Variants in ZNF786 observed in about 807,000 individuals in gnomAD.
ZNF786 encodes the protein zinc finger protein 786.
Under a neutral mutation model 63.1 loss-of-function variants are expected in ZNF786, and 56 were observed. The observed-to-expected ratio is 0.89, with a 90% confidence interval of 0.72 to 1.11. The LOEUF is 1.11. ZNF786 is among the 50% of genes least tolerant of loss of function. The pLI, the probability that ZNF786 is intolerant of heterozygous loss-of-function variation, is 0.00. For missense variants in ZNF786, 1,213 were observed against 1,041.8 expected (o/e 1.16, Z -2.26); for synonymous variants, 485 against 406.9 (o/e 1.19, Z -2.31).
intron 3 of ZNF786, among the ~76,000 whole-genome samples, chr7:149,073,753 A>ATATATATATATATATATG (rs1563137498): frequency 1.2e-4 from 8 of 66,418 alleles, no homozygotes; most frequent in African/African-American, 3.8e-4. Context: ...GTGTGTATAT[A>ATATATATATATATATATG]TATATATATA....
chr7:149,080,851 C>G (rs1825639554), intron 1 of ZNF786, 134 bp from the exon 2 acceptor site: 3 of 988,504 alleles, frequency 3.0e-6, no homozygotes, highest in Non-Finnish European at 4.4e-6. Context: ...TCCTGGAGAA[C>G]TACTCCTTCC....
chr7:149,075,289 C>G (rs1446061675), intron 2 of ZNF786, among the ~76,000 whole-genome samples: 1 of 152,176 alleles, frequency 6.6e-6, no homozygotes, highest in Non-Finnish European at 1.5e-5. Flanking sequence ...GTCTCTCAGG[C>G]TGGAATGCAG....
chr7:149,072,773 C>T (rs1270963588), intron 3 of ZNF786, among the ~76,000 whole-genome samples: 3 of 152,226 alleles, frequency 2.0e-5, no homozygotes, highest in Admixed American at 2.0e-4. Flanking sequence ...CACTGTGTAA[C>T]CTTTGTCAAG....
chr7:149,084,624 G>A (rs1026801409), intron 1 of ZNF786, among the ~76,000 whole-genome samples: 1 of 152,152 alleles, frequency 6.6e-6, no homozygotes, highest in African/African-American at 2.4e-5. Context: ...GTCTGTTCAT[G>A]TCCTTTGCCC....
chr7:149,079,247 A>G (rs952127122), intron 2 of ZNF786, among the ~76,000 whole-genome samples: 10 of 151,934 alleles, frequency 6.6e-5, no homozygotes, highest in African/African-American at 1.7e-4. Context: ...TCTCTACTAA[A>G]AATACAAAAA....
intron 3 of ZNF786, among the ~76,000 whole-genome samples, chr7:149,073,781 GTATATATATATAGT>G (rs1825490875): frequency 1.2e-5 from 1 of 80,524 alleles, no homozygotes; most frequent in African/African-American, 4.5e-5. Flanking sequence ...ATATATATAT[GTATATATATATAGT>G]TTTTTTTTTG....
At chr7:149,085,300 A>G (rs1825717345) in intron 1 of ZNF786, among the ~76,000 whole-genome samples, 1 of 152,136 alleles carries the variant, frequency 6.6e-6, no homozygotes. Flanking sequence ...ATGAATTTTA[A>G]AATAGTTTTT....
intron 2 of ZNF786, among the ~76,000 whole-genome samples, chr7:149,075,514 C>T (rs933136152): frequency 3.3e-5 from 5 of 151,894 alleles, no homozygotes; most frequent in East Asian, 1.9e-4. Flanking sequence ...CAAAGTGCTG[C>T]GATTACAGGC....
At chr7:149,075,655 GTTTTTT>G (rs1165713050) in intron 2 of ZNF786, among the ~76,000 whole-genome samples, 26 of 69,466 alleles carry the variant, frequency 3.7e-4, no homozygotes, top group Non-Finnish European at 4.6e-4. Context: ...CACACTTCAG[GTTTTTT>G]TTTTTTTTTT....
chr7:149,076,719 GAAA>G (rs71192749), intron 2 of ZNF786, among the ~76,000 whole-genome samples: 43 of 127,694 alleles, frequency 3.4e-4, no homozygotes, highest in Admixed American at 6.1e-4. Context: ...ACTCCATCTT[GAAA>G]AAAAAAAAAA....
At chr7:149,080,443 AG>A in intron 2 of ZNF786, 147 bp downstream of exon 2, 1 of 711,960 alleles carries the variant, frequency 1.4e-6, no homozygotes, top group East Asian at 3.1e-5. Context: ...TGTTGACAAA[AG>A]TATTAACAAT....
chr7:149,088,330 A>C (rs2129516955), intron 1 of ZNF786, among the ~76,000 whole-genome samples: 1 of 152,250 alleles, frequency 6.6e-6, no homozygotes, highest in East Asian at 1.9e-4. Flanking sequence ...GGCAGTTTTT[A>C]AGGCAATTGA....
At chr7:149,074,236 A>T (rs1170128129) in intron 3 of ZNF786, 150 bp downstream of exon 3, 1 of 921,986 alleles carries the variant, frequency 1.1e-6, no homozygotes, top group East Asian at 2.7e-5. Context: ...TCTAGAACCC[A>T]CATTCCTAAC....
Position 149,071,758 on chromosome 7 carries a change from C to G in ZNF786, c.1014G>C (p.Ser338=), listed in dbSNP as rs763473808. 1.3e-6 allele frequency: 2 copies of G among 1,588,084 alleles called. No individual in the cohort carries two copies. The highest frequency in any genetic ancestry group is 2.7e-5 in the African/African-American group (2 of 74,726). Residue 338 remains serine (S), a synonymous_variant, in exon 4 of 4, where the codon TCG becomes TCC. Transcript: ENST00000491431. ...GCAGGCGCGAGCCTGGTTTCTGTCCCGAGTGCACACTGCTGGAGGCCCCGC... is the reference window on the plus strand; with the variant it reads ...GCAGGCGCGAGCCTGGTTTCTGTCCGGAGTGCACACTGCTGGAGGCCCCGC... The part of the protein sequence containing the change: ...EGRGASSSVH[S]GQKPGSRLPQ...
Position 149,070,618 on chromosome 7 carries a change from G to A in ZNF786, c.2154C>T (p.His718=), listed in dbSNP as rs908458193. The change falls in exon 4 of 4, where the codon CAC becomes CAT. Residue 718 remains histidine, a synonymous_variant. Transcript: ENST00000491431. Reference sequence around the variant, plus strand: ...TGTGGATGCGCTGGTGCCTCAGCATGTGTCCCCTTTCCCGGAAGTTCTTGT... The same window carrying A: ...TGTGGATGCGCTGGTGCCTCAGCATATGTCCCCTTTCCCGGAAGTTCTTGT... ...ECDKNFRERG[H]MLRHQRIHRP... 4 of 1,613,932 alleles carry A rather than the reference G, an allele frequency of 2.5e-6. No homozygotes were observed. The highest frequency in any genetic ancestry group is 3.4e-6 in the Non-Finnish European group (4 of 1,179,880).
At position 149,070,966 on chromosome 7, in the gene ZNF786, G is replaced by A; in HGVS notation, c.1806C>T (p.Phe602=). The part of the protein sequence containing the change: ...PFQCPECNRS[F]RLKGQLLSHQ... ...GGCTGAGCAGCTGCCCCTTCAGGCG[G>A]AAGCTCCTGTTGCACTCTGGGCACT... Residue 602 remains phenylalanine (F), a synonymous_variant, in exon 4 of 4, where the codon TTC becomes TTT. Transcript: ENST00000491431. 4 of 1,613,400 alleles carry A rather than the reference G, an allele frequency of 2.5e-6. No individual in the cohort carries two copies. The highest frequency in any genetic ancestry group is 2.5e-6 in the Non-Finnish European group (3 of 1,179,932).
At chr7:149,074,657 A>C (rs1825510824) in intron 2 of ZNF786, 119 bp from the exon 3 acceptor site, 3 of 1,247,090 alleles carry the variant, frequency 2.4e-6, no homozygotes, top group South Asian at 3.3e-5. Context: ...CAAAAAAAAA[A>C]AAACAGGTTT....
chr7:149,086,836 C>T (rs1048083338), intron 1 of ZNF786, among the ~76,000 whole-genome samples: 1 of 130,508 alleles, frequency 7.7e-6, no homozygotes, highest in African/African-American at 2.6e-5. Context: ...CTTCCAACAG[C>T]GCAGATCCTT....
Position 149,071,208 on chromosome 7 carries a change from A to AGC in ZNF786, c.1563_1564insGC (p.Cys522AlafsTer8), listed in dbSNP as rs1825406940. The AGC allele has an allele frequency of 1.2e-6, 2 of 1,610,498 alleles. No individual in the cohort carries two copies. The highest frequency in any genetic ancestry group is 1.7e-6 in the Non-Finnish European group (2 of 1,178,050). ...ACTCTCAGGTGCTCACGGAGCTTGC[A>AGC]CTGGTGGGTGAAGCCTCTGCCACAC... On this transcript the variant is annotated frameshift_variant, in exon 4 of 4. Transcript: ENST00000491431. LOFTEE classifies it high-confidence loss of function.
Sources: allele counts gnomAD v4.1 joint callset (sites outside exome capture counted in the v4.1 genomes callset), GRCh38; gene constraint gnomAD v4.1.1; transcripts MANE v1.5; gene names NCBI Gene and HGNC (gene_info 2026-07-23, HGNC 2026-07-21).